The following MYOM2 variants were observed in gnomAD, a reference collection of about 807,000 sequenced individuals.
MYOM2 encodes the protein myomesin-2.
A neutral mutation model predicts 187.6 loss-of-function variants in MYOM2; 254 were observed. The observed-to-expected ratio is 1.35, with a 90% CI of 1.22 to 1.50. The LOEUF is 1.50. Ranked by LOEUF, MYOM2 falls within the 40% of genes most tolerant of loss-of-function variation. MYOM2 has a pLI of 0.00. For synonymous variants in MYOM2, 981 were observed against 753.8 expected (o/e 1.30, Z -4.94); for missense variants, 2,796 against 1,924.0 (o/e 1.45, Z -8.48).
Position 2,098,936 on chromosome 8 carries a change from A to T in MYOM2, c.2393A>T (p.Asp798Val). The change falls in exon 19 of 37, where the codon GAT becomes GTT. Residue 798 changes from aspartate (D) to valine (V), a missense_variant. Physicochemically the swap from Asp to Val is radical, Grantham distance 152. Coordinates refer to ENST00000262113, the MANE Select transcript of MYOM2 (RefSeq NM_003970.4). ...CTGGCCGGCATCGGGGAGCCCTCAG[A>T]TCCCAGTGAGCACTTCAAGTGTGAG... ...VNLAGIGEPS[D>V]PSEHFKCEAW... is the part of the protein sequence containing the mutation. 1 of 1,613,608 alleles carries T rather than the reference A, an allele frequency of 6.2e-7. No homozygotes were observed. The highest frequency in any genetic ancestry group is 2.2e-5 in the East Asian group (1 of 44,860).
intron 6 of MYOM2, among the ~76,000 whole-genome samples, chr8:2,060,109 T>A (rs921677085): frequency 6.6e-6 from 1 of 152,122 alleles, no homozygotes; most frequent in Non-Finnish European, 1.5e-5. Flanking sequence ...GCATACACGG[T>A]TTTTACTTTT....
chr8:2,129,257 G>A (rs947627518), intron 32 of MYOM2, 25 bp downstream of exon 32: 2 of 1,542,600 alleles, frequency 1.3e-6, no homozygotes, highest in Non-Finnish European at 1.8e-6. Context: ...AGCCGATGGA[G>A]GCCATGCCAT....
chr8:2,076,196 C>T lies in MYOM2; in HGVS notation c.1176C>T (p.His392=), dbSNP rs754313122. 38 of 1,613,256 alleles carry T rather than the reference C, an allele frequency of 2.4e-5. No homozygotes were observed. Among genetic ancestry groups the T allele is most frequent in the Middle Eastern group, 3.4e-4 (2 of 5,952 alleles). The change falls in exon 11 of 37, where the codon CAC becomes CAT. Residue 392 remains histidine (H), a synonymous_variant. Coordinates refer to ENST00000262113, the MANE Select transcript of MYOM2 (RefSeq NM_003970.4). ...GTGCACCCATGGACTTGCAGTGCCA[C>T]GACGCCAACCGGGACTACGTCATCG... ...APGAPMDLQC[H]DANRDYVIVT... is the part of the protein sequence containing the mutation.
chr8:2,102,399 G>C (rs2116784203), intron 20 of MYOM2: 1 of 373,124 alleles, frequency 2.7e-6, no homozygotes, highest in East Asian at 3.9e-5. Context: ...TAGTCAGTAT[G>C]ATTTTACTTC....
intron 21 of MYOM2, 136 bp from the exon 22 acceptor site, chr8:2,106,106 C>T (rs772660946): frequency 2.4e-5 from 20 of 841,554 alleles, no homozygotes; most frequent in African/African-American, 5.0e-5. Context: ...CACCTCACTC[C>T]CTCTACACTT....
Position 2,092,717 on chromosome 8 carries a change from G to T in MYOM2, c.2003+197G>T, listed in dbSNP as rs1416528973. Among the ~76,000 whole-genome samples the T allele has an allele frequency of 2.0e-5, 3 of 152,038 alleles. No homozygotes were observed. The East Asian group carries it at 5.8e-4, about 29-fold the overall frequency. On this transcript the variant is annotated intron_variant, in intron 16 of 36. Coordinates refer to ENST00000262113, the MANE Select transcript of MYOM2 (RefSeq NM_003970.4). Reference sequence around the variant, plus strand: ...GCTAGTTACTGCACTTGCTCATGTCGACCGAAACGATTTATTTATGGATGA... The same window carrying T: ...GCTAGTTACTGCACTTGCTCATGTCTACCGAAACGATTTATTTATGGATGA...
In MYOM2 at chr8:2,132,399, C is replaced by T. The variant is rs780709582; in HGVS notation, c.3800+3167C>T. On this transcript the variant is annotated intron_variant, in intron 32 of 36. Transcript: ENST00000262113. ...AAGGGAATGTTAGAAACTTATTCAG[C>T]GTGAGTTAGAAGCAGGCAAAGAGGA... is the stretch of plus-strand genomic sequence containing the variant. 2.6e-4 allele frequency among the ~76,000 whole-genome samples: 39 copies of T among 152,208 alleles called. 1 individual carries two copies. The highest frequency in any genetic ancestry group is 4.3e-4 in the Non-Finnish European group (29 of 68,008).
At chr8:2,137,031 A>G (rs567744714) in intron 32 of MYOM2, among the ~76,000 whole-genome samples, 5 of 151,916 alleles carry the variant, frequency 3.3e-5, no homozygotes, top group Non-Finnish European at 5.9e-5. Context: ...GCTGTTTGCA[A>G]TTTTACCCCA....
At chr8:2,109,660 A>C in intron 25 of MYOM2, 129 bp downstream of exon 25, 1 of 1,009,818 alleles carries the variant, frequency 9.9e-7, no homozygotes, top group African/African-American at 1.7e-5. Flanking sequence ...TGGGGCATGG[A>C]AGGTTGACAA....
chr8:2,066,294 G>A (rs775443838), intron 6 of MYOM2, among the ~76,000 whole-genome samples: 1 of 152,188 alleles, frequency 6.6e-6, no homozygotes, highest in Non-Finnish European at 1.5e-5. Context: ...TGGCTTGTGC[G>A]TTCACAGGAC....
At chr8:2,069,413 T>C in intron 7 of MYOM2, 34 bp from the exon 8 acceptor site, 1 of 1,613,970 alleles carries the variant, frequency 6.2e-7, no homozygotes, top group Non-Finnish European at 8.5e-7. Context: ...CCTCCTTTTC[T>C]CTTTTCTGCT....
rs779808762 is a variant in MYOM2, at chr8:2,143,434, TG to T, written c.4060del (p.Val1354Ter). 11 of 1,613,768 alleles carry T rather than the reference TG, an allele frequency of 6.8e-6. No individual in the cohort carries two copies. Among genetic ancestry groups the T allele is most frequent in the African/African-American group, 1.3e-5 (1 of 74,818 alleles). ...RGRLIGGLPD[V>X]VTIMEGKTLN... Reference sequence around the variant, plus strand: ...AGGTTGATCGGCGGCTTGCCTGACGTGGTGACCATCATGGAAGGGAAGGTGA... The same window carrying T: ...AGGTTGATCGGCGGCTTGCCTGACGTGTGACCATCATGGAAGGGAAGGTGA... On this transcript the variant is annotated frameshift_variant, in exon 36 of 37. Coordinates refer to ENST00000262113, the MANE Select transcript of MYOM2 (RefSeq NM_003970.4). LOFTEE classifies it low-confidence loss of function (END_TRUNC).
intron 25 of MYOM2, among the ~76,000 whole-genome samples, chr8:2,110,387 G>A (rs1458486100): frequency 1.3e-5 from 2 of 152,262 alleles, no homozygotes; most frequent in South Asian, 2.1e-4. Flanking sequence ...TTCTGCTTTC[G>A]ATTGTATAAA....
At position 2,109,423 on chromosome 8, in the gene MYOM2, T is replaced by C. The variant is rs1796994916; in HGVS notation, c.3072T>C (p.Tyr1024=). The change falls in exon 25 of 37, where the codon TAT becomes TAC. Residue 1024 remains tyrosine, a synonymous_variant. Transcript: ENST00000262113. The part of the protein sequence containing the change: ...PTIPLKSELA[Y]EIFDKGRVRF... ...TTCCTCTGAAATCGGAATTAGCTTA[T>C]GAGATTTTTGATAAGGGGCGGGTTC... 13 of 1,610,976 alleles carry C rather than the reference T, an allele frequency of 8.1e-6. No homozygotes were observed. The highest frequency in any genetic ancestry group is 2.7e-5 in the African/African-American group (2 of 74,836).
intron 14 of MYOM2, among the ~76,000 whole-genome samples, chr8:2,089,551 T>G (rs566345944): frequency 1.3e-5 from 2 of 152,216 alleles, no homozygotes; most frequent in African/African-American, 4.8e-5. Flanking sequence ...TCTGACCGTA[T>G]TGACAGCCAT....
In MYOM2 at chr8:2,098,922, C is replaced by G. The variant is rs189526285; in HGVS notation, c.2379C>G (p.Ile793Met). Residue 793 changes from isoleucine to methionine, a missense_variant, in exon 19 of 37, where the codon ATC becomes ATG. By Grantham distance (10) the Ile-to-Met change is conservative. Transcript: ENST00000262113. ...TCGCCGCCGTCAACCTGGCCGGCAT[C>G]GGGGAGCCCTCAGATCCCAGTGAGC... ...FKIAAVNLAG[I>M]GEPSDPSEHF... The G allele has an allele frequency of 3.7e-6, 6 of 1,613,324 alleles. No individual in the cohort carries two copies. Among genetic ancestry groups the G allele is most frequent in the Admixed American group, 1.7e-5 (1 of 59,928 alleles).
At chr8:2,104,866 G>A (rs17684398) in intron 21 of MYOM2, among the ~76,000 whole-genome samples, 31,538 of 152,124 alleles carry the variant, frequency 0.21, 4,136 homozygotes, top group Admixed American at 0.32. Context: ...GTGGTTATTA[G>A]CAAGAATCTA....
Position 2,145,420 on chromosome 8 carries a change from T to A in MYOM2, c.*439T>A, listed in dbSNP as rs1043914169. 2.9e-5 allele frequency: 6 copies of A among 204,684 alleles called. No individual in the cohort carries two copies. The highest frequency in any genetic ancestry group is 1.8e-4 in the Admixed American group (3 of 16,412). 12.7% of individuals were successfully genotyped at this position (204,684 alleles called of 1,614,324 possible). ...GCATGTGTTACCTGGTTAAGCTTGT[T>A]TTCTCTTGCTTTAGGCAAATAAAAG... is the stretch of plus-strand genomic sequence containing the variant. On this transcript the variant is annotated 3_prime_UTR_variant, in exon 37 of 37. Transcript: ENST00000262113.
At position 2,142,596 on chromosome 8, in the gene MYOM2, A is replaced by C. The variant is rs112817948; in HGVS notation, c.4024+199A>C. On this transcript the variant is annotated intron_variant, in intron 35 of 36. Transcript: ENST00000262113. ...TGATCCTTGCACTGCTTTCGGCCTT[A>C]GCCCCGTCACCCCTTGGACACCCTC... Among the ~76,000 whole-genome samples, 659 of 151,946 alleles carry C rather than the reference A, an allele frequency of 4.3e-3. 7 individuals are homozygous for C. Among genetic ancestry groups the C allele is most frequent in the African/African-American group, 0.015 (641 of 41,442 alleles).
Sources: gnomAD v4.1 joint callset for allele counts (sites outside exome capture counted in the v4.1 genomes callset) on GRCh38, gnomAD v4.1.1 for gene constraint, MANE v1.5 for transcripts, NCBI Gene and HGNC (gene_info 2026-07-23, HGNC 2026-07-21) for gene names.